The following CACNA2D3 variants were observed in gnomAD, a reference collection of about 807,000 sequenced individuals.
The protein encoded by CACNA2D3 is calcium voltage-gated channel auxiliary subunit alpha2delta 3.
A neutral mutation model predicts 160.6 loss-of-function variants in CACNA2D3; 60 were observed. That is an observed-to-expected ratio of 0.37 (90% confidence interval 0.30 to 0.46). The LOEUF (loss-of-function observed/expected upper bound fraction) is 0.46, where lower values mean the gene tolerates loss of function less well. Among genes scored for constraint, CACNA2D3 ranks in the 20% least tolerant of loss-of-function variants. The pLI is 1.00. For synonymous variants in CACNA2D3, 558 were observed against 492.9 expected (o/e 1.13, Z -1.75); for missense variants, 1,205 against 1,365.0 (o/e 0.88, Z 1.85).
intron 29 of CACNA2D3, among the ~76,000 whole-genome samples, chr3:54,979,379 A>T (rs372131891): frequency 3.3e-5 from 5 of 152,256 alleles, no homozygotes; most frequent in African/African-American, 9.6e-5. Flanking sequence ...TCCTATTACA[A>T]TAGAAAAGAG....
At chr3:54,791,425 A>G (rs187445116) in intron 13 of CACNA2D3, among the ~76,000 whole-genome samples, 2 of 152,358 alleles carry the variant, frequency 1.3e-5, no homozygotes, top group East Asian at 3.9e-4. Context: ...AGCTAAGTTC[A>G]TATGTGATTA....
chr3:54,695,098 A>C (rs1163385819), intron 11 of CACNA2D3, among the ~76,000 whole-genome samples: 1 of 152,026 alleles, frequency 6.6e-6, no homozygotes, highest in Non-Finnish European at 1.5e-5. Context: ...GCTCACTGCA[A>C]CCTCTGCCTC....
At chr3:54,479,969 T>G (rs1700906123) in intron 4 of CACNA2D3, among the ~76,000 whole-genome samples, 1 of 152,118 alleles carries the variant, frequency 6.6e-6, no homozygotes, top group South Asian at 2.1e-4. Flanking sequence ...CAGGAGAATT[T>G]CTTCTCCTCT....
intron 11 of CACNA2D3, among the ~76,000 whole-genome samples, chr3:54,679,963 T>A (rs1268864998): frequency 6.6e-6 from 1 of 152,258 alleles, no homozygotes; most frequent in Non-Finnish European, 1.5e-5. Flanking sequence ...GTGAACATTT[T>A]TGTTGCTGTT....
intron 4 of CACNA2D3, among the ~76,000 whole-genome samples, chr3:54,487,433 A>C (rs1249849872): frequency 6.6e-6 from 1 of 152,230 alleles, no homozygotes; most frequent in Non-Finnish European, 1.5e-5. Flanking sequence ...AGCAACAAGC[A>C]TGGCACATCT....
intron 27 of CACNA2D3, among the ~76,000 whole-genome samples, chr3:54,920,070 C>T (rs539112070): frequency 6.6e-6 from 1 of 152,116 alleles, no homozygotes; most frequent in African/African-American, 2.4e-5. Context: ...CTAGGCCAGC[C>T]GAAAAGACTG....
intron 13 of CACNA2D3, among the ~76,000 whole-genome samples, chr3:54,765,428 C>T (rs985895496): frequency 1.3e-5 from 2 of 152,196 alleles, no homozygotes; most frequent in African/African-American, 4.8e-5. Flanking sequence ...AAAGGCTTCT[C>T]CGATGCTAGG....
chr3:54,236,309 A>G (rs951625617), intron 2 of CACNA2D3, among the ~76,000 whole-genome samples: 10 of 152,236 alleles, frequency 6.6e-5, no homozygotes, highest in African/African-American at 2.2e-4. Flanking sequence ...ATGAACTTCA[A>G]TTAATAGTAA....
intron 2 of CACNA2D3, among the ~76,000 whole-genome samples, chr3:54,315,639 G>T (rs552876583): frequency 6.6e-6 from 1 of 152,268 alleles, no homozygotes; most frequent in South Asian, 2.1e-4. Flanking sequence ...TTCAATGCTG[G>T]TTGACCTTCT....
At chr3:54,944,805 A>C (rs1333895677) in intron 27 of CACNA2D3, among the ~76,000 whole-genome samples, 1 of 141,080 alleles carries the variant, frequency 7.1e-6, no homozygotes, top group Non-Finnish European at 1.5e-5. Flanking sequence ...GACTGTAGTT[A>C]GAGCTGGGGG....
chr3:54,988,297 T>G (rs1273753809), intron 31 of CACNA2D3, among the ~76,000 whole-genome samples: 1 of 152,262 alleles, frequency 6.6e-6, no homozygotes, highest in African/African-American at 2.4e-5. Flanking sequence ...TGGCAGATAC[T>G]GACTACTCAT....
intron 3 of CACNA2D3, among the ~76,000 whole-genome samples, chr3:54,350,992 T>TTTTTTTTTTTTTTTTG (rs1559457861): frequency 6.3e-5 from 7 of 110,976 alleles, no homozygotes; most frequent in East Asian, 4.9e-4. Flanking sequence ...GTTTGTTTTT[T>TTTTTTTTTTTTTTTTG]TTTTTTTTTT....
intron 11 of CACNA2D3, among the ~76,000 whole-genome samples, chr3:54,748,491 C>T (rs1289667178): frequency 6.6e-6 from 1 of 151,872 alleles, no homozygotes; most frequent in East Asian, 1.9e-4. Flanking sequence ...TTTTATTAAG[C>T]TTAATTGGGT....
chr3:54,883,823 C>CTCTCTCTCTCTCTCTCT lies in CACNA2D3; in HGVS notation c.1913-1458_1913-1457insTCTCTCTCTCTCTCTCT, dbSNP rs60132112. Among the ~76,000 whole-genome samples the CTCTCTCTCTCTCTCTCT allele has an allele frequency of 2.8e-3, 247 of 88,838 alleles. 1 individual carries two copies. Among genetic ancestry groups the CTCTCTCTCTCTCTCTCT allele is most frequent in the East Asian group, 9.6e-3 (11 of 1,142 alleles). 58.3% of individuals were successfully genotyped at this position (88,838 alleles called of 152,430 possible). A position where few individuals can be genotyped will look rare whatever the true frequency, so the allele number is the denominator to read the frequency against. On this transcript the variant is annotated intron_variant, in intron 21 of 37. Coordinates refer to ENST00000474759, the MANE Select transcript of CACNA2D3 (RefSeq NM_018398.3). Reference sequence around the variant, plus strand: ...AATCTCTCTCTCTCTCTCTCTCTCTCCTCTCTCTCCCTTCAACCCTCCTTA... The same window carrying CTCTCTCTCTCTCTCTCT: ...AATCTCTCTCTCTCTCTCTCTCTCTCTCTCTCTCTCTCTCTCTCTCTCTCTCCCTTCAACCCTCCTTA...
intron 27 of CACNA2D3, among the ~76,000 whole-genome samples, chr3:54,932,530 T>G (rs1161383270): frequency 6.6e-6 from 1 of 152,212 alleles, no homozygotes; most frequent in Non-Finnish European, 1.5e-5. Flanking sequence ...CACATTTCCT[T>G]TACTGGAATA....
At chr3:54,194,736 A>T (rs1456143037) in intron 2 of CACNA2D3, among the ~76,000 whole-genome samples, 1 of 152,264 alleles carries the variant, frequency 6.6e-6, no homozygotes, top group East Asian at 1.9e-4. Flanking sequence ...AGGTGTCCTC[A>T]CATGGTGGAA....
chr3:54,711,922 A>G (rs1357261081), intron 11 of CACNA2D3, among the ~76,000 whole-genome samples: 5 of 152,208 alleles, frequency 3.3e-5, no homozygotes, highest in Admixed American at 6.5e-5. Context: ...TTCCCTTTAA[A>G]TGCTATATGG....
intron 13 of CACNA2D3, among the ~76,000 whole-genome samples, chr3:54,767,340 A>G (rs1702244466): frequency 6.6e-6 from 1 of 152,166 alleles, no homozygotes; most frequent in Non-Finnish European, 1.5e-5. Flanking sequence ...CTACCCCTCA[A>G]TCTAGGGAGG....
intron 27 of CACNA2D3, among the ~76,000 whole-genome samples, chr3:54,945,454 C>T (rs1701588802): frequency 1.3e-5 from 2 of 152,104 alleles, no homozygotes; most frequent in South Asian, 4.1e-4. Context: ...TCTCTTTTTC[C>T]CTAGGAGCCA....
Sources: allele counts gnomAD v4.1 joint callset (sites outside exome capture counted in the v4.1 genomes callset), GRCh38; gene constraint gnomAD v4.1.1; transcripts MANE v1.5; gene names NCBI Gene and HGNC (gene_info 2026-07-23, HGNC 2026-07-21).